CNR2: variants seen among roughly 807,000 people sequenced by gnomAD.
The protein encoded by CNR2 is cannabinoid receptor 2, also known as cannabinoid receptor 2 (macrophage).
For missense variants in CNR2, 379 were observed against 439.9 expected (o/e 0.86, Z 1.24); for synonymous variants, 172 against 182.2 (o/e 0.94, Z 0.45).
Position 23,874,623 on chromosome 1 carries a change from G to A in CNR2, c.995C>T (p.Ala332Val). The A allele has an allele frequency of 1.9e-6, 3 of 1,614,114 alleles. No individual in the cohort carries two copies. The highest frequency in any genetic ancestry group is 2.5e-6 in the Non-Finnish European group (3 of 1,180,020). Reference protein sequence around the residue: ...RGLGSEAKEEAPRSSVTETEA... With the variant: ...RGLGSEAKEEVPRSSVTETEA... ...TGTCTCGGTGACTGAGGATCTCGGG[G>A]CTTCTTCTTTTGCCTCTGACCCAAG... Residue 332 changes from alanine (A) to valine (V), a missense_variant, in exon 2 of 2, where the codon GCC becomes GTC. By Grantham distance (64) the Ala-to-Val change is moderately conservative. Coordinates refer to ENST00000374472, the MANE Select transcript of CNR2 (RefSeq NM_001841.3).
chr1:23,886,043 C>T (rs1441296803), intron 1 of CNR2, among the ~76,000 whole-genome samples: 1 of 151,364 alleles, frequency 6.6e-6, no homozygotes, highest in African/African-American at 2.4e-5. Context: ...CAAAAATTAG[C>T]TGGGTGTGGT....
intron 1 of CNR2, among the ~76,000 whole-genome samples, chr1:23,895,447 C>G (rs1640264390): frequency 3.3e-5 from 5 of 152,136 alleles, no homozygotes; most frequent in Admixed American, 3.3e-4. Context: ...TCAGAGGGGG[C>G]AAGTCCTTTG....
intron 1 of CNR2, among the ~76,000 whole-genome samples, chr1:23,890,705 A>G (rs1363772879): frequency 2.7e-5 from 4 of 149,906 alleles, no homozygotes; most frequent in African/African-American, 9.8e-5. Flanking sequence ...AGATCGCGCC[A>G]CTGCACTCCA....
intron 1 of CNR2, among the ~76,000 whole-genome samples, chr1:23,910,122 A>ATTTTTTTTTT (rs34885370): frequency 8.3e-6 from 1 of 120,312 alleles, no homozygotes; most frequent in Non-Finnish European, 1.6e-5. Flanking sequence ...CTAATTTTTA[A>ATTTTTTTTTT]TTTTTTTTTT....
At chr1:23,911,758 G>A (rs1282116633) in intron 1 of CNR2, among the ~76,000 whole-genome samples, 3 of 152,078 alleles carry the variant, frequency 2.0e-5, no homozygotes, top group Non-Finnish European at 2.9e-5. Flanking sequence ...GCCTTATCCT[G>A]GCCTTAGCCG....
intron 1 of CNR2, among the ~76,000 whole-genome samples, chr1:23,896,249 T>C (rs1164388020): frequency 2.0e-5 from 3 of 152,234 alleles, no homozygotes; most frequent in Non-Finnish European, 4.4e-5. Context: ...CATCAGGCTG[T>C]TGGGCTTTGG....
At chr1:23,897,353 C>T (rs968256509) in intron 1 of CNR2, among the ~76,000 whole-genome samples, 11 of 152,034 alleles carry the variant, frequency 7.2e-5, no homozygotes, top group Non-Finnish European at 1.3e-4. Flanking sequence ...GACCCTTTAC[C>T]GTCTTAAAAG....
intron 1 of CNR2, among the ~76,000 whole-genome samples, chr1:23,898,781 T>C (rs1406372334): frequency 1.3e-5 from 2 of 148,490 alleles, no homozygotes; most frequent in African/African-American, 5.0e-5. Flanking sequence ...GCCTCCTGAG[T>C]AGCTGGGATT....
intron 1 of CNR2, chr1:23,902,406 T>C (rs889418191): frequency 2.9e-5 from 46 of 1,587,576 alleles, no homozygotes; most frequent in Non-Finnish European, 3.6e-5. Context: ...CCCCAGAAAG[T>C]TGACGCAGGC....
At chr1:23,911,674 A>G (rs1640587788) in intron 1 of CNR2, among the ~76,000 whole-genome samples, 1 of 152,092 alleles carries the variant, frequency 6.6e-6, no homozygotes, top group Admixed American at 6.5e-5. Context: ...CTGTAAAATG[A>G]GGTGGGAAGA....
At chr1:23,893,467 C>T (rs1472723253) in intron 1 of CNR2, among the ~76,000 whole-genome samples, 1 of 152,156 alleles carries the variant, frequency 6.6e-6, no homozygotes, top group African/African-American at 2.4e-5. Context: ...GAAACTAATC[C>T]CTATGTTCTG....
chr1:23,872,966 T>A lies in CNR2; in HGVS notation c.*1569A>T, dbSNP rs1283159061. Reference sequence around the variant, plus strand: ...TGAGACAGGGGCACAGTCTCATTTATGGCTGGGTACTCAGGACCCTGCACA... The same window carrying A: ...TGAGACAGGGGCACAGTCTCATTTAAGGCTGGGTACTCAGGACCCTGCACA... On this transcript the variant is annotated 3_prime_UTR_variant, in exon 2 of 2. Transcript: ENST00000374472. 1 of 152,250 alleles carries A rather than the reference T, an allele frequency of 6.6e-6. No individual in the cohort carries two copies. Among genetic ancestry groups the A allele is most frequent in the Non-Finnish European group, 1.5e-5 (1 of 68,050 alleles). The allele number at this position is 152,250 out of a possible 1,614,324, so 9.4% of individuals were successfully genotyped here.
At chr1:23,894,433 A>ATTT (rs146585324) in intron 1 of CNR2, among the ~76,000 whole-genome samples, 118,992 of 149,546 alleles carry the variant, frequency 0.8, 47,578 homozygotes, top group Admixed American at 0.82. Flanking sequence ...AAAAAAAAAA[A>ATTT]TTTTTTTAAT....
At chr1:23,907,981 CTTTTTTTTTTT>C (rs35507609) in intron 1 of CNR2, 2 of 79,296 alleles carry the variant, frequency 2.5e-5, no homozygotes, top group East Asian at 8.9e-4. Context: ...CTAACTACTG[CTTTTTTTTTTT>C]TTTTTTTTTT....
chr1:23,873,085 A>G lies in CNR2; in HGVS notation c.*1450T>C, dbSNP rs929462864. 3.3e-5 allele frequency: 5 copies of G among 152,202 alleles called. No homozygotes were observed. Among genetic ancestry groups the G allele is most frequent in the Non-Finnish European group, 7.3e-5 (5 of 68,036 alleles). 9.4% of individuals were successfully genotyped at this position (152,202 alleles called of 1,614,324 possible). A position where few individuals can be genotyped will look rare whatever the true frequency, so the allele number is the denominator to read the frequency against. ...TTAAACGAAGACATGTTTAACCAAT[A>G]TCTTTCATTTTATTCCATTTGAGGT... On this transcript the variant is annotated 3_prime_UTR_variant, in exon 2 of 2. Transcript: ENST00000374472.
At chr1:23,895,745 C>T (rs1435319630) in intron 1 of CNR2, among the ~76,000 whole-genome samples, 3 of 152,042 alleles carry the variant, frequency 2.0e-5, no homozygotes, top group African/African-American at 4.8e-5. Flanking sequence ...CCTCTTGATC[C>T]GCCCTCCTCG....
intron 1 of CNR2, among the ~76,000 whole-genome samples, chr1:23,881,507 C>A (rs1428216298): frequency 6.6e-6 from 1 of 151,630 alleles, no homozygotes; most frequent in Non-Finnish European, 1.5e-5. Context: ...GCAGGAGAAT[C>A]GTTTGAACCT....
intron 1 of CNR2, among the ~76,000 whole-genome samples, chr1:23,879,088 A>C (rs1429539199): frequency 2.0e-5 from 3 of 152,204 alleles, no homozygotes. Flanking sequence ...ATGGCTTTAT[A>C]AAACAACAAT....
In CNR2 at chr1:23,874,875, C is replaced by A. The variant is rs754091476; in HGVS notation, c.743G>T (p.Gly248Val). Residue 248 changes from glycine to valine, a missense_variant, in exon 2 of 2, where the codon GGG becomes GTG. Transcript: ENST00000374472. The part of the protein sequence containing the change: ...RLDVRLAKTL[G>V]LVLAVLLICW... ...GATGAGGAGCACAGCCAACACTAGCCCTAGGGTCTTGGCCAACCTCACATC... is the reference window on the plus strand; with the variant it reads ...GATGAGGAGCACAGCCAACACTAGCACTAGGGTCTTGGCCAACCTCACATC... 10 of 1,614,154 alleles carry A rather than the reference C, an allele frequency of 6.2e-6. No homozygotes were observed. The highest frequency in any genetic ancestry group is 1.3e-5 in the African/African-American group (1 of 75,042).
Sources: gnomAD v4.1 joint callset for allele counts (sites outside exome capture counted in the v4.1 genomes callset) on GRCh38, gnomAD v4.1.1 for gene constraint, MANE v1.5 for transcripts, NCBI Gene and HGNC (gene_info 2026-07-23, HGNC 2026-07-21) for gene names.